OSMR: variants seen among roughly 807,000 people sequenced by gnomAD.
The protein encoded by OSMR is oncostatin M receptor.
OSMR carries 81 observed loss-of-function variants against 99.9 expected under a neutral mutation model. The observed-to-expected ratio is 0.81, with a 90% confidence interval of 0.68 to 0.97. OSMR has a LOEUF of 0.97. Ranked by LOEUF, OSMR falls within the 50% of genes least tolerant of loss-of-function variation. OSMR has a pLI of 0.00. For synonymous variants in OSMR, 406 were observed against 410.4 expected (o/e 0.99, Z 0.13); for missense variants, 1,099 against 1,153.4 (o/e 0.95, Z 0.68).
chr5:38,882,145 A>G (rs499225), intron 4 of OSMR, among the ~76,000 whole-genome samples: 112,951 of 152,170 alleles, frequency 0.74, 42,045 homozygotes, highest in South Asian at 0.78. Context: ...TTTCTGTGAA[A>G]GGCCAGATAA....
intron 9 of OSMR, among the ~76,000 whole-genome samples, chr5:38,913,413 G>C (rs1413738834): frequency 6.6e-6 from 1 of 152,128 alleles, no homozygotes; most frequent in Admixed American, 6.5e-5. Flanking sequence ...AGCCAGGCGT[G>C]GTGGTGGCTG....
rs1746076228 is a variant in OSMR at position 38,918,875 on chromosome 5, G to A, written c.1398G>A (p.Leu466=). 1 of 1,613,996 alleles carries A rather than the reference G, an allele frequency of 6.2e-7. No individual in the cohort carries two copies. The highest frequency in any genetic ancestry group is 8.5e-7 in the Non-Finnish European group (1 of 1,179,900). ...LSKLHANGKI[L]FYNVVVENLD... is the part of the protein sequence containing the mutation. Reference sequence around the variant, plus strand: ...AACTGCATGCCAATGGAAAGATCCTGTTCTATAATGTAGTTGTAGAAAACC... The same window carrying A: ...AACTGCATGCCAATGGAAAGATCCTATTCTATAATGTAGTTGTAGAAAACC... Residue 466 remains leucine, a synonymous_variant, in exon 11 of 18, where the codon CTG becomes CTA. Coordinates refer to ENST00000274276, the MANE Select transcript of OSMR (RefSeq NM_003999.3).
chr5:38,883,470 A>G (rs1367811735), intron 4 of OSMR, among the ~76,000 whole-genome samples: 1 of 152,252 alleles, frequency 6.6e-6, no homozygotes, highest in Non-Finnish European at 1.5e-5. Flanking sequence ...ACTAAGAACG[A>G]CATGAGATAA....
At chr5:38,851,911 C>G (rs189200280) in intron 1 of OSMR, among the ~76,000 whole-genome samples, 1 of 152,170 alleles carries the variant, frequency 6.6e-6, no homozygotes, top group African/African-American at 2.4e-5. Context: ...TCACTTGGCT[C>G]TCATTCTTCT....
chr5:38,846,605 T>C (rs547470012), intron 1 of OSMR, among the ~76,000 whole-genome samples: 1 of 152,124 alleles, frequency 6.6e-6, no homozygotes, highest in Non-Finnish European at 1.5e-5. Flanking sequence ...TCGTAACCCT[T>C]GACTCCCACC....
rs369823255 is a variant in OSMR at position 38,923,931 on chromosome 5, T to C, written c.1871-491T>C. 9.2e-5 allele frequency among the ~76,000 whole-genome samples: 14 copies of C among 152,284 alleles called. No homozygotes were observed. The East Asian group carries it at 2.5e-3, about 27-fold the overall frequency. On this transcript the variant is annotated intron_variant, in intron 13 of 17. Transcript: ENST00000274276. The stretch of plus-strand genomic sequence containing the variant: ...CAAAGTAAACATTCCTGGATTGTTT[T>C]TCAGTGACACTTGGATAAGTGTGCA...
At chr5:38,898,943 A>T in intron 7 of OSMR, among the ~76,000 whole-genome samples, 1 of 134,374 alleles carries the variant, frequency 7.4e-6, no homozygotes, top group African/African-American at 3.1e-5. Flanking sequence ...TTCTATTTAC[A>T]TAATATCTTT....
intron 3 of OSMR, among the ~76,000 whole-genome samples, chr5:38,880,598 A>G (rs1200846639): frequency 2.0e-5 from 3 of 152,258 alleles, no homozygotes; most frequent in Non-Finnish European, 4.4e-5. Flanking sequence ...GAGAAGGGAC[A>G]TAACCTAGGC....
At chr5:38,930,567 C>A (rs956802275) in intron 15 of OSMR, among the ~76,000 whole-genome samples, 1 of 152,134 alleles carries the variant, frequency 6.6e-6, no homozygotes, top group African/African-American at 2.4e-5. Context: ...CCTCCCTGAG[C>A]AATTTACATT....
At chr5:38,909,734 A>G (rs1298279544) in intron 9 of OSMR, among the ~76,000 whole-genome samples, 2 of 152,226 alleles carry the variant, frequency 1.3e-5, no homozygotes, top group Non-Finnish European at 2.9e-5. Context: ...GGAAGTGCCA[A>G]ATATGAAAAA....
chr5:38,848,652 A>G (rs1579604788), intron 1 of OSMR, among the ~76,000 whole-genome samples: 1 of 152,310 alleles, frequency 6.6e-6, no homozygotes, highest in Non-Finnish European at 1.5e-5. Context: ...ACATACATAT[A>G]CATATGTTTT....
Position 38,850,730 on chromosome 5 carries a change from G to C in OSMR, c.-14+4343G>C, listed in dbSNP as rs1286173686. ...TTGTTCATGTGTAATGCCAGCTTTTGAGAAGATGTGCATCAACAGAAGTTA... is the reference window on the plus strand; with the variant it reads ...TTGTTCATGTGTAATGCCAGCTTTTCAGAAGATGTGCATCAACAGAAGTTA... On this transcript the variant is annotated intron_variant, in intron 1 of 17. Coordinates refer to ENST00000274276, the MANE Select transcript of OSMR (RefSeq NM_003999.3). 4.6e-5 allele frequency among the ~76,000 whole-genome samples: 7 copies of C among 152,310 alleles called. No individual in the cohort carries two copies. The East Asian group carries it at 1.3e-3, about 29-fold the overall frequency.
At position 38,872,096 on chromosome 5, in the gene OSMR, T is replaced by C. The variant is rs192799641; in HGVS notation, c.73+2979T>C. On this transcript the variant is annotated intron_variant, in intron 2 of 17. Transcript: ENST00000274276. ...TGTGGCAAAGTCACTTCCCATTTTT[T>C]AACCTCAATTTCCTCGTCTGAAAAA... Among the ~76,000 whole-genome samples the C allele has an allele frequency of 2.6e-5, 4 of 152,344 alleles. No individual in the cohort carries two copies. The East Asian group carries it at 7.7e-4, about 29-fold the overall frequency.
intron 1 of OSMR, among the ~76,000 whole-genome samples, chr5:38,862,385 C>T (rs1313801117): frequency 3.3e-5 from 2 of 60,560 alleles, no homozygotes; most frequent in African/African-American, 7.8e-5. Context: ...AGGCGCCCCT[C>T]ACCTCCCGGA....
At chr5:38,860,812 G>T (rs1033118964) in intron 1 of OSMR, among the ~76,000 whole-genome samples, 2 of 152,090 alleles carry the variant, frequency 1.3e-5, no homozygotes, top group African/African-American at 2.4e-5. Flanking sequence ...AGCCTCCTGA[G>T]TAGGTGCCTG....
intron 2 of OSMR, among the ~76,000 whole-genome samples, chr5:38,873,839 A>T (rs1742588513): frequency 3.3e-5 from 5 of 151,094 alleles, no homozygotes; most frequent in Admixed American, 3.3e-4. Flanking sequence ...ATTCTATTTT[A>T]TTTTATTTTA....
chr5:38,877,128 C>G (rs995069218), intron 3 of OSMR, among the ~76,000 whole-genome samples: 1 of 152,054 alleles, frequency 6.6e-6, no homozygotes, highest in Non-Finnish European at 1.5e-5. Flanking sequence ...GTCATTTTCA[C>G]GGGATATTTA....
intron 3 of OSMR, among the ~76,000 whole-genome samples, chr5:38,879,192 G>A (rs1166640473): frequency 5.3e-5 from 8 of 152,258 alleles, no homozygotes; most frequent in African/African-American, 1.9e-4. Flanking sequence ...AGTGCTCTGA[G>A]CAGGCCCAAC....
At chr5:38,876,831 A>G (rs967811860) in intron 3 of OSMR, among the ~76,000 whole-genome samples, 3 of 152,256 alleles carry the variant, frequency 2.0e-5, no homozygotes, top group African/African-American at 7.2e-5. Flanking sequence ...AGTAAGTGCT[A>G]GCACTTAATG....
Sources: allele counts gnomAD v4.1 joint callset (sites outside exome capture counted in the v4.1 genomes callset), GRCh38; gene constraint gnomAD v4.1.1; transcripts MANE v1.5; gene names NCBI Gene and HGNC (gene_info 2026-07-23, HGNC 2026-07-21).